Variants in NEBL observed in about 807,000 individuals in gnomAD.
NEBL encodes the protein LIM and SH3 protein 2.
In NEBL, 122 loss-of-function variants were observed where a neutral mutation model predicts 140.2. The ratio of observed to expected loss-of-function variants is 0.87; its 90% confidence interval spans 0.75 to 1.01. The LOEUF is 1.01. Ranked by LOEUF, NEBL falls within the 50% of genes least tolerant of loss-of-function variation. The pLI is 0.00. For synonymous variants in NEBL, 436 were observed against 398.9 expected, an observed-to-expected ratio of 1.09 and a Z score of -1.11; for missense variants, 1,365 against 1,231.3, an observed-to-expected ratio of 1.11 and a Z score of -1.62.
At chr10:21,128,452 A>C (rs1838942041) in intron 2 of NEBL, among the ~76,000 whole-genome samples, 1 of 152,142 alleles carries the variant, frequency 6.6e-6, no homozygotes, top group Non-Finnish European at 1.5e-5. Context: ...TACACATGTG[A>C]TATGGAAGGA....
chr10:21,175,122 G>C (rs1418452439), upstream of NEBL: 1 of 152,168 alleles, frequency 6.6e-6, no homozygotes, highest in African/African-American at 2.4e-5. Flanking sequence ...AAGATGTCAG[G>C]TTATTGGACT....
intron 3 of NEBL, among the ~76,000 whole-genome samples, chr10:21,227,711 T>TC (rs1842179295): frequency 2.2e-5 from 1 of 46,424 alleles, no homozygotes; most frequent in African/African-American, 6.6e-5. Flanking sequence ...CTTCTTCTTC[T>TC]TTCTTCTTCT....
intron 2 of NEBL, among the ~76,000 whole-genome samples, chr10:21,083,431 C>A (rs951745880): frequency 1.2e-4 from 19 of 152,184 alleles, no homozygotes; most frequent in African/African-American, 4.3e-4. Flanking sequence ...AAGGGGTACA[C>A]TGAGAACCAA....
chr10:21,145,241 A>C (rs1292853810), intron 2 of NEBL, among the ~76,000 whole-genome samples: 2 of 152,184 alleles, frequency 1.3e-5, no homozygotes, highest in Admixed American at 1.3e-4. Flanking sequence ...CAAAATATGA[A>C]ATATATAAGC....
chr10:21,280,613 T>C (rs544206430), intron 1 of NEBL, among the ~76,000 whole-genome samples: 4 of 115,356 alleles, frequency 3.5e-5, no homozygotes, highest in African/African-American at 1.1e-4. Flanking sequence ...TTGGTTTTTC[T>C]TTTTCCTTTT....
intron 11 of NEBL, among the ~76,000 whole-genome samples, chr10:20,850,123 A>G (rs1253337009): frequency 6.6e-6 from 1 of 152,212 alleles, no homozygotes. Context: ...TGAAAGTGTC[A>G]GTTATATTAT....
At chr10:20,960,123 C>T (rs1349841285) in intron 4 of NEBL, among the ~76,000 whole-genome samples, 2 of 152,032 alleles carry the variant, frequency 1.3e-5, no homozygotes, top group Non-Finnish European at 2.9e-5. Flanking sequence ...TTAGCTGTCA[C>T]ATGGATGTCT....
chr10:20,927,064 G>T (rs1833946993), intron 4 of NEBL, among the ~76,000 whole-genome samples: 1 of 152,212 alleles, frequency 6.6e-6, no homozygotes, highest in Non-Finnish European at 1.5e-5. Flanking sequence ...GAGAGATTTG[G>T]AGAGGAGTTT....
Position 21,173,991 on chromosome 10 carries a change from C to A in NEBL, c.-158G>T. Reference sequence around the variant, plus strand: ...CGGCGCCGGGCCACGGGTGAGTGCACGGGGAGGGCGACGGGGCCTGGCGCC... The same window carrying A: ...CGGCGCCGGGCCACGGGTGAGTGCAAGGGGAGGGCGACGGGGCCTGGCGCC... On this transcript the variant is annotated 5_prime_UTR_variant, in exon 1 of 7. Transcript: ENST00000417816. This position sits in a 1 kb window ranked among gnomAD's most constrained non-coding sequence, Gnocchi z 5.7. 3 of 1,225,458 alleles carry A rather than the reference C, an allele frequency of 2.4e-6. No homozygotes were observed. Among genetic ancestry groups the A allele is most frequent in the Non-Finnish European group, 3.0e-6 (3 of 987,130 alleles). The allele number at this position is 1,225,458 out of a possible 1,614,324, so 75.9% of individuals were successfully genotyped here.
intron 2 of NEBL, among the ~76,000 whole-genome samples, chr10:21,044,805 C>T (rs1834439175): frequency 6.6e-6 from 1 of 152,188 alleles, no homozygotes; most frequent in African/African-American, 2.4e-5. Context: ...CTGCAACTCA[C>T]TCAGGATAAT....
intron 3 of NEBL, among the ~76,000 whole-genome samples, chr10:20,980,118 G>A (rs1037950045): frequency 6.6e-6 from 1 of 151,082 alleles, no homozygotes; most frequent in African/African-American, 2.4e-5. Context: ...CATAGGGCTT[G>A]TATTCAAAGA....
chr10:21,031,269 G>T (rs1462225519), intron 2 of NEBL, among the ~76,000 whole-genome samples: 1 of 152,196 alleles, frequency 6.6e-6, no homozygotes, highest in African/African-American at 2.4e-5. Context: ...TGCTCACCAT[G>T]AGAAAGCTGC....
At chr10:21,059,633 T>C (rs902417511) in intron 2 of NEBL, among the ~76,000 whole-genome samples, 3 of 152,258 alleles carry the variant, frequency 2.0e-5, no homozygotes, top group African/African-American at 4.8e-5. Flanking sequence ...GCCAAACATT[T>C]GTTCACACCA....
intron 27 of NEBL, 145 bp from the exon 28 acceptor site, chr10:20,786,068 T>A: frequency 2.5e-6 from 2 of 806,204 alleles, no homozygotes; most frequent in Non-Finnish European, 4.0e-6. Context: ...AAACCTAGCA[T>A]CTCATTGTGC....
intron 3 of NEBL, among the ~76,000 whole-genome samples, chr10:21,012,116 A>G (rs1838363850): frequency 6.6e-6 from 1 of 152,100 alleles, no homozygotes; most frequent in Non-Finnish European, 1.5e-5. Flanking sequence ...CAGTCAGCAG[A>G]GAGAGAGGAG....
chr10:21,029,232 G>A (rs922096547), intron 2 of NEBL: 14 of 1,501,018 alleles, frequency 9.3e-6, no homozygotes, highest in African/African-American at 1.4e-5. Context: ...CTGCTCCACC[G>A]GCTGCTCGGG....
At chr10:21,236,597 C>T (rs183410266) in intron 3 of NEBL, among the ~76,000 whole-genome samples, 38 of 152,274 alleles carry the variant, frequency 2.5e-4, no homozygotes, top group Non-Finnish European at 3.5e-4. Flanking sequence ...GATCTGCCCG[C>T]CTTGGCCTCC....
chr10:21,195,963 G>T (rs1175339600), intron 3 of NEBL, among the ~76,000 whole-genome samples: 1 of 152,048 alleles, frequency 6.6e-6, no homozygotes, highest in Non-Finnish European at 1.5e-5. Flanking sequence ...AGTTTTGTTT[G>T]TTTGTGTCAC....
At chr10:21,030,097 G>C (rs573837094) in intron 2 of NEBL, 22 of 474,338 alleles carry the variant, frequency 4.6e-5, no homozygotes, top group Non-Finnish European at 8.9e-5. Flanking sequence ...TCTTTGGAGG[G>C]GCAAAGCCCG....
Sources: gnomAD v4.1 joint callset for allele counts (sites outside exome capture counted in the v4.1 genomes callset) on GRCh38, gnomAD v4.1.1 for gene constraint, Gnocchi (gnomAD v3.1) non-coding constraint, MANE v1.5 for transcripts, NCBI Gene and HGNC (gene_info 2026-07-23, HGNC 2026-07-21) for gene names.